KAZN: variants seen among roughly 807,000 people sequenced by gnomAD.
The protein encoded by KAZN is kazrin.
A neutral mutation model predicts 87.4 loss-of-function variants in KAZN; 40 were observed. The observed-to-expected ratio is 0.46, with a 90% confidence interval of 0.36 to 0.60. KAZN has a LOEUF of 0.60. Ranked by LOEUF, KAZN falls within the 20% of genes least tolerant of loss-of-function variation. The pLI is 0.00. For missense variants in KAZN, 898 were observed against 1,073.9 expected (o/e 0.84, Z 2.29); for synonymous variants, 466 against 458.3 (o/e 1.02, Z -0.22).
Position 14,795,564 on chromosome 1 carries a change from G to A in KAZN, c.227-165120G>A, listed in dbSNP as rs78883950. ...TATTTTCAAATTCAGGCTTCATGGC[G>A]TCCTCCAAATGCATGCTCTTTCCCA... On this transcript the variant is annotated intron_variant, in intron 1 of 14. Transcript: ENST00000376030. Among the ~76,000 whole-genome samples the A allele has an allele frequency of 3.2e-3, 491 of 152,150 alleles. 2 individuals are homozygous for A. Among genetic ancestry groups the A allele is most frequent in the African/African-American group, 0.011 (445 of 41,502 alleles).
intron 1 of KAZN, among the ~76,000 whole-genome samples, chr1:14,691,185 T>A (rs1641266928): frequency 6.6e-6 from 1 of 152,128 alleles, no homozygotes; most frequent in African/African-American, 2.4e-5. Context: ...TACTTTTAAG[T>A]TTCAGGTGGG....
chr1:13,934,841 C>G, intron 1 of KAZN, among the ~76,000 whole-genome samples: 1 of 152,172 alleles, frequency 6.6e-6, no homozygotes, highest in Non-Finnish European at 1.5e-5. Context: ...AAGGTGGAAA[C>G]TGGGTCTTAC....
chr1:14,246,245 A>G (rs6667512), intron 2 of KAZN, among the ~76,000 whole-genome samples: 72,245 of 151,896 alleles, frequency 0.48, 19,489 homozygotes, highest in African/African-American at 0.72. Flanking sequence ...CCTGGGTGAT[A>G]GGTTGATGGG....
At chr1:13,933,222 G>A (rs1640594837) in intron 1 of KAZN, among the ~76,000 whole-genome samples, 1 of 151,954 alleles carries the variant, frequency 6.6e-6, no homozygotes, top group African/African-American at 2.4e-5. Flanking sequence ...GCCGGGCGCA[G>A]TGGCTCACAT....
At chr1:14,097,296 C>T (rs1644150276) in intron 1 of KAZN, among the ~76,000 whole-genome samples, 1 of 152,158 alleles carries the variant, frequency 6.6e-6, no homozygotes, top group Non-Finnish European at 1.5e-5. Context: ...AAAACTATTG[C>T]AATAGTCCAG....
In KAZN at chr1:15,116,605, C is replaced by G. The variant is rs1278775971; in HGVS notation, c.*1970C>G. ...ACAGCTCAGAAAGGAGAGGTGAGACCTCCCTCCAACCTGGTGCCACAGGTC... is the reference window on the plus strand; with the variant it reads ...ACAGCTCAGAAAGGAGAGGTGAGACGTCCCTCCAACCTGGTGCCACAGGTC... On this transcript the variant is annotated 3_prime_UTR_variant, in exon 15 of 15. Transcript: ENST00000376030. 6.6e-6 allele frequency: 1 copy of G among 152,224 alleles called. No homozygotes were observed. The highest frequency in any genetic ancestry group is 2.4e-5 in the African/African-American group (1 of 41,448). 9.4% of individuals were successfully genotyped at this position (152,224 alleles called of 1,614,324 possible).
At chr1:14,134,871 T>G (rs1302601806) in intron 1 of KAZN, among the ~76,000 whole-genome samples, 1 of 152,012 alleles carries the variant, frequency 6.6e-6, no homozygotes, top group Non-Finnish European at 1.5e-5. Flanking sequence ...TTACCCATAG[T>G]TCTATCCATT....
intron 1 of KAZN, among the ~76,000 whole-genome samples, chr1:14,652,905 C>G (rs1455965237): frequency 1.3e-5 from 2 of 151,878 alleles, no homozygotes; most frequent in East Asian, 3.9e-4. Flanking sequence ...GAGGGGGGTG[C>G]CACTGGCATC....
intron 2 of KAZN, among the ~76,000 whole-genome samples, chr1:14,227,619 C>T (rs574867079): frequency 6.6e-6 from 1 of 152,258 alleles, no homozygotes; most frequent in East Asian, 1.9e-4. Context: ...ATCACTCTGA[C>T]ATACCCTCAG....
chr1:14,525,905 C>T (rs1671836951), intron 2 of KAZN, among the ~76,000 whole-genome samples: 1 of 152,150 alleles, frequency 6.6e-6, no homozygotes. Context: ...AAGCTGAATA[C>T]CTGGGATTTA....
intron 2 of KAZN, among the ~76,000 whole-genome samples, chr1:14,557,811 G>A (rs926723162): frequency 6.6e-6 from 1 of 152,038 alleles, no homozygotes. Flanking sequence ...AGAGAGTGAT[G>A]GTGCATGTCT....
intron 2 of KAZN, among the ~76,000 whole-genome samples, chr1:14,398,298 A>T (rs1395532974): frequency 2.0e-5 from 3 of 152,252 alleles, no homozygotes; most frequent in Non-Finnish European, 4.4e-5. Flanking sequence ...AGTGTGGAGT[A>T]GATCAGGTCT....
At chr1:14,241,128 C>A (rs1012162449) in intron 2 of KAZN, among the ~76,000 whole-genome samples, 1 of 152,218 alleles carries the variant, frequency 6.6e-6, no homozygotes, top group African/African-American at 2.4e-5. Flanking sequence ...TTGGGTGAAA[C>A]CACACCTTTC....
intron 2 of KAZN, among the ~76,000 whole-genome samples, chr1:14,324,356 C>T (rs886081888): frequency 2.0e-5 from 3 of 152,148 alleles, no homozygotes; most frequent in Admixed American, 6.6e-5. Flanking sequence ...AGAATCTCAA[C>T]GTCTTAAAAC....
chr1:14,979,647 G>A (rs1231279464), intron 2 of KAZN, among the ~76,000 whole-genome samples: 3 of 152,044 alleles, frequency 2.0e-5, no homozygotes, highest in East Asian at 1.9e-4. Context: ...ATGGGCTTGG[G>A]TGGGTAAGCT....
At chr1:14,477,306 G>A (rs1473045781) in intron 2 of KAZN, among the ~76,000 whole-genome samples, 1 of 152,134 alleles carries the variant, frequency 6.6e-6, no homozygotes, top group African/African-American at 2.4e-5. Flanking sequence ...CCATGATTGT[G>A]AAGCCTCCCC....
chr1:15,010,279 G>T (rs1317693508), intron 2 of KAZN, among the ~76,000 whole-genome samples: 1 of 151,942 alleles, frequency 6.6e-6, no homozygotes. Flanking sequence ...TTCATCTAAA[G>T]GCTTGATCAG....
chr1:13,907,149 G>A (rs1375586724), intron 1 of KAZN, among the ~76,000 whole-genome samples: 1 of 152,202 alleles, frequency 6.6e-6, no homozygotes, highest in Admixed American at 6.5e-5. Flanking sequence ...TTGATGAAAA[G>A]TGTTTTTGCA....
At chr1:14,405,142 T>C (rs1249606304) in intron 2 of KAZN, among the ~76,000 whole-genome samples, 1 of 152,224 alleles carries the variant, frequency 6.6e-6, no homozygotes, top group Non-Finnish European at 1.5e-5. Context: ...TGCATACCAC[T>C]GCTCAGAGCA....
Sources: allele counts gnomAD v4.1 joint callset (sites outside exome capture counted in the v4.1 genomes callset), GRCh38; gene constraint gnomAD v4.1.1; transcripts MANE v1.5; gene names NCBI Gene and HGNC (gene_info 2026-07-23, HGNC 2026-07-21).